Variants in TNFRSF10B observed in about 807,000 individuals in gnomAD.
TNFRSF10B encodes the protein tumor necrosis factor receptor superfamily member 10B.
In TNFRSF10B, 35 loss-of-function variants were observed where a neutral mutation model predicts 41.4. The observed-to-expected ratio is 0.85, with a 90% CI of 0.65 to 1.12. The LOEUF is 1.12. TNFRSF10B is among the 50% of genes most tolerant of loss of function. The probability of loss-of-function intolerance (pLI) is 0.00; values close to 1 mark genes in which losing one functional copy is unlikely to be tolerated. For missense variants in TNFRSF10B, 584 were observed against 552.7 expected, an observed-to-expected ratio of 1.06 and a Z score of -0.57; for synonymous variants, 230 against 215.5, an observed-to-expected ratio of 1.07 and a Z score of -0.59.
At chr8:23,046,443 GGAAA>G (rs796451860) in intron 1 of TNFRSF10B, among the ~76,000 whole-genome samples, 8 of 151,922 alleles carry the variant, frequency 5.3e-5, no homozygotes, top group African/African-American at 1.9e-4. Context: ...CAAATAAAAC[GGAAA>G]GAGACACAAA....
intron 1 of TNFRSF10B, among the ~76,000 whole-genome samples, chr8:23,053,437 AT>A (rs1228641688): frequency 6.6e-6 from 1 of 152,184 alleles, no homozygotes; most frequent in African/African-American, 2.4e-5. Context: ...GAATGTGGAT[AT>A]TTTTTACTAG....
At chr8:23,055,821 C>G (rs1387814052) in intron 1 of TNFRSF10B, among the ~76,000 whole-genome samples, 3 of 152,192 alleles carry the variant, frequency 2.0e-5, no homozygotes, top group South Asian at 2.1e-4. Flanking sequence ...TGAGGCTCCA[C>G]AGGAAGGTCT....
intron 1 of TNFRSF10B, among the ~76,000 whole-genome samples, chr8:23,050,968 G>A (rs12114481): frequency 0.24 from 36,665 of 152,038 alleles, 4,636 homozygotes; most frequent in Non-Finnish European, 0.25. Context: ...CAGCTACTTG[G>A]GAGGCTGAGG....
chr8:23,066,898 AAAACAAAC>A (rs148571903), intron 1 of TNFRSF10B, among the ~76,000 whole-genome samples: 1,887 of 151,916 alleles, frequency 0.012, 38 homozygotes, highest in African/African-American at 0.043. Flanking sequence ...ACTCCATCTC[AAAACAAAC>A]AAACAAACAA....
chr8:23,055,124 C>A (rs1312792292), intron 1 of TNFRSF10B, among the ~76,000 whole-genome samples: 1 of 152,102 alleles, frequency 6.6e-6, no homozygotes, highest in African/African-American at 2.4e-5. Context: ...TCAATTTTTT[C>A]CTTTTTCTTT....
Position 23,024,812 on chromosome 8 carries a change from C to T in TNFRSF10B, c.937-552G>A, listed in dbSNP as rs1039904634. Among the ~76,000 whole-genome samples the T allele has an allele frequency of 3.3e-5, 5 of 151,874 alleles. No individual in the cohort carries two copies. In the East Asian group the frequency reaches 7.9e-4, roughly 24 times the overall value. On this transcript the variant is annotated intron_variant, in intron 7 of 8. Transcript: ENST00000276431. Reference sequence around the variant, plus strand: ...CCTCCCAAAGTGCTGGGATTACAGGCGTGAGCCACTGCACCTAGCCCTGAT... The same window carrying T: ...CCTCCCAAAGTGCTGGGATTACAGGTGTGAGCCACTGCACCTAGCCCTGAT...
In TNFRSF10B at chr8:23,021,052, G is replaced by C. The variant is rs552782285; in HGVS notation, c.*1619C>G. On this transcript the variant is annotated 3_prime_UTR_variant, in exon 9 of 9. Transcript: ENST00000276431. ...CTTTGTCCCACCCAAACCAGTCCCGGAACAAAACACACAATGCCTTGAGAC... is the reference window on the plus strand; with the variant it reads ...CTTTGTCCCACCCAAACCAGTCCCGCAACAAAACACACAATGCCTTGAGAC... The C allele has an allele frequency of 1.4e-4, 65 of 454,070 alleles. 2 individuals carry two copies. Among genetic ancestry groups the C allele is most frequent in the South Asian group, 9.9e-4 (64 of 64,474 alleles). 28.1% of individuals were successfully genotyped at this position (454,070 alleles called of 1,614,324 possible).
At chr8:23,051,760 G>C (rs1452601466) in intron 1 of TNFRSF10B, among the ~76,000 whole-genome samples, 1 of 152,034 alleles carries the variant, frequency 6.6e-6, no homozygotes, top group African/African-American at 2.4e-5. Context: ...AGCCAGGATG[G>C]TCTCCATCTC....
rs866957694 is a variant in TNFRSF10B, at chr8:23,043,155, T to C, written c.233A>G (p.Glu78Gly). The change falls in exon 2 of 9, where the codon GAG becomes GGG. Residue 78 changes from glutamate (E) to glycine (G), a missense_variant. By Grantham distance (98) the Glu-to-Gly change is moderately conservative. Coordinates refer to ENST00000276431, the MANE Select transcript of TNFRSF10B (RefSeq NM_003842.5). ...GAACATACCAGGTGGACACAATCCC[T>C]CTGAGGGGCTGGACCTCTTTTGTTG... ...APQQKRSSPS[E>G]GLCPPGHHIS... 2.5e-6 allele frequency: 4 copies of C among 1,614,030 alleles called. No individual in the cohort carries two copies. The highest frequency in any genetic ancestry group is 3.4e-6 in the Non-Finnish European group (4 of 1,180,030).
Position 23,020,674 on chromosome 8 carries a change from A to T in TNFRSF10B, c.*1997T>A. ...ACCGTTGCACTCCAGCCTGGGCGAG[A>T]GAGTGAGATTCTGTCTCAAAAAAAT... On this transcript the variant is annotated 3_prime_UTR_variant, in exon 9 of 9. Transcript: ENST00000276431. The T allele has an allele frequency of 2.2e-6, 1 of 454,044 alleles. No homozygotes were observed. Among genetic ancestry groups the T allele is most frequent in the South Asian group, 1.6e-5 (1 of 64,434 alleles). The allele number at this position is 454,044 out of a possible 1,614,324, so 28.1% of individuals were successfully genotyped here.
intron 1 of TNFRSF10B, among the ~76,000 whole-genome samples, chr8:23,046,619 A>G (rs1228027084): frequency 1.6e-3 from 45 of 28,904 alleles, no homozygotes; most frequent in African/African-American, 5.7e-3. Flanking sequence ...CAACCATAAA[A>G]AAAAAAAAAA....
At chr8:23,039,038 C>A (rs975600864) in intron 2 of TNFRSF10B, among the ~76,000 whole-genome samples, 3 of 151,794 alleles carry the variant, frequency 2.0e-5, no homozygotes, top group African/African-American at 7.3e-5. Flanking sequence ...TATTTTCCTG[C>A]AACTAGATGG....
chr8:23,055,615 A>G (rs144941132), intron 1 of TNFRSF10B, among the ~76,000 whole-genome samples: 2 of 151,966 alleles, frequency 1.3e-5, no homozygotes, highest in African/African-American at 2.4e-5. Context: ...CCTGGGCCTT[A>G]AAGCATGACA....
chr8:23,029,436 G>A (rs1394520704), intron 4 of TNFRSF10B, among the ~76,000 whole-genome samples, 174 bp downstream of exon 4: 2 of 151,992 alleles, frequency 1.3e-5, no homozygotes, highest in Admixed American at 1.3e-4. Flanking sequence ...GGGAGGGGTG[G>A]AAAGAGGCTG....
chr8:23,036,527 C>T (rs546031465), intron 2 of TNFRSF10B, among the ~76,000 whole-genome samples: 2 of 152,276 alleles, frequency 1.3e-5, no homozygotes, highest in African/African-American at 2.4e-5. Context: ...CTGTCTGGGA[C>T]GTCCCTGAAG....
intron 7 of TNFRSF10B, among the ~76,000 whole-genome samples, chr8:23,025,029 T>C (rs1476724458): frequency 6.6e-6 from 1 of 152,176 alleles, no homozygotes; most frequent in African/African-American, 2.4e-5. Context: ...CACAAAACTG[T>C]CGTCCGAGCT....
intron 2 of TNFRSF10B, among the ~76,000 whole-genome samples, chr8:23,038,977 G>A (rs1044575786): frequency 1.1e-4 from 17 of 151,964 alleles, no homozygotes; most frequent in African/African-American, 4.1e-4. Context: ...AACATATAAT[G>A]AAATAATTAT....
Position 23,021,680 on chromosome 8 carries a change from C to T in TNFRSF10B, c.*991G>A, listed in dbSNP as rs765912562. On this transcript the variant is annotated 3_prime_UTR_variant, in exon 9 of 9. Coordinates refer to ENST00000276431, the MANE Select transcript of TNFRSF10B (RefSeq NM_003842.5). ...ACGTGGATCCAGTTCTCTTTGGTCC[C>T]GACTCATATGTAAACAACTACCTAT... 5.1e-5 allele frequency: 23 copies of T among 453,964 alleles called. No homozygotes were observed. The highest frequency in any genetic ancestry group is 3.4e-4 in the South Asian group (22 of 64,476). 28.1% of individuals were successfully genotyped at this position (453,964 alleles called of 1,614,324 possible).
In TNFRSF10B at chr8:23,056,067, G is replaced by C. The variant is rs145578011; in HGVS notation, c.144+12684C>G. Among the ~76,000 whole-genome samples, 1,284 of 152,202 alleles carry C rather than the reference G, an allele frequency of 8.4e-3. 24 individuals carry two copies. Among genetic ancestry groups the C allele is most frequent in the African/African-American group, 0.03 (1,235 of 41,514 alleles). Reference sequence around the variant, plus strand: ...CATTAATGGGTGGCAAGAAATAGCAGCCCGACCCTCAGTTTGGTCCAGGAA... The same window carrying C: ...CATTAATGGGTGGCAAGAAATAGCACCCCGACCCTCAGTTTGGTCCAGGAA... On this transcript the variant is annotated intron_variant, in intron 1 of 8. Coordinates refer to ENST00000276431, the MANE Select transcript of TNFRSF10B (RefSeq NM_003842.5).
Sources: gnomAD v4.1 joint callset for allele counts (sites outside exome capture counted in the v4.1 genomes callset) on GRCh38, gnomAD v4.1.1 for gene constraint, MANE v1.5 for transcripts, NCBI Gene and HGNC (gene_info 2026-07-23, HGNC 2026-07-21) for gene names.